SLC35F4: variants seen among roughly 807,000 people sequenced by gnomAD.
SLC35F4 encodes solute carrier family 35 member F4, also known as chromosome 14 open reading frame 36.
SLC35F4 carries 24 observed loss-of-function variants against 44.2 expected under a neutral mutation model. The ratio of observed to expected loss-of-function variants is 0.54; its 90% CI spans 0.39 to 0.76. The LOEUF is 0.76. Ranked by LOEUF, SLC35F4 falls within the 30% of genes least tolerant of loss-of-function variation. The probability of loss-of-function intolerance (pLI) is 0.00; values close to 1 mark genes in which losing one functional copy is unlikely to be tolerated. For missense variants in SLC35F4, 562 were observed against 586.1 expected, an observed-to-expected ratio of 0.96 and a Z score of 0.42; for synonymous variants, 238 against 223.6, an observed-to-expected ratio of 1.06 and a Z score of -0.57.
chr14:57,883,591 A>G (rs987302794), intron 1 of SLC35F4, among the ~76,000 whole-genome samples: 3 of 152,192 alleles, frequency 2.0e-5, no homozygotes, highest in Non-Finnish European at 4.4e-5. Flanking sequence ...TATATAATCA[A>G]ATGTATAATT....
chr14:57,977,023 G>C (rs1881237452), intron 1 of SLC35F4: 1 of 152,104 alleles, frequency 6.6e-6, no homozygotes, highest in Non-Finnish European at 1.5e-5. Context: ...AGAGGTGAGA[G>C]AAAAACCCCA....
intron 1 of SLC35F4, among the ~76,000 whole-genome samples, chr14:57,917,340 TGA>T (rs1217177105): frequency 1.3e-5 from 2 of 152,200 alleles, no homozygotes; most frequent in Non-Finnish European, 2.9e-5. Flanking sequence ...ATTACAGGCG[TGA>T]GTCACCACAC....
intron 1 of SLC35F4, among the ~76,000 whole-genome samples, chr14:57,601,183 T>C (rs537875756): frequency 2.6e-4 from 40 of 151,788 alleles, no homozygotes; most frequent in Non-Finnish European, 4.6e-4. Context: ...TAAAAGTTTT[T>C]TCAAGACTTG....
chr14:57,724,234 C>A (rs999817724), intron 1 of SLC35F4, among the ~76,000 whole-genome samples: 1 of 152,198 alleles, frequency 6.6e-6, no homozygotes. Flanking sequence ...TTTGACCCAG[C>A]AGATCCAATG....
chr14:57,619,105 TG>T (rs1480180670), intron 1 of SLC35F4, among the ~76,000 whole-genome samples: 1 of 152,086 alleles, frequency 6.6e-6, no homozygotes, highest in Non-Finnish European at 1.5e-5. Flanking sequence ...GGGGCAACTG[TG>T]GGTTCAGCTT....
At chr14:57,572,075 C>G in intron 4 of SLC35F4, 56 bp from the exon 5 acceptor site, 1 of 1,569,582 alleles carries the variant, frequency 6.4e-7, no homozygotes, top group East Asian at 2.3e-5. Flanking sequence ...TATCCTAGAG[C>G]AGGCAATTCA....
intron 1 of SLC35F4, among the ~76,000 whole-genome samples, chr14:57,862,842 C>T (rs536788284): frequency 6.6e-6 from 1 of 152,192 alleles, no homozygotes; most frequent in East Asian, 1.9e-4. Flanking sequence ...AATTTATGTA[C>T]TTGTTTATTT....
At chr14:57,618,941 G>T (rs2072018248) in intron 1 of SLC35F4, among the ~76,000 whole-genome samples, 1 of 152,172 alleles carries the variant, frequency 6.6e-6, no homozygotes, top group South Asian at 2.1e-4. Flanking sequence ...CGAACTGGGT[G>T]GAGCCCACCG....
chr14:57,871,865 A>G (rs1468076804), intron 1 of SLC35F4, among the ~76,000 whole-genome samples: 3 of 152,250 alleles, frequency 2.0e-5, no homozygotes, highest in African/African-American at 7.2e-5. Context: ...TAAAGTTACT[A>G]AAAACTGTAA....
chr14:57,787,210 CAAAG>C (rs2077786208), intron 1 of SLC35F4, among the ~76,000 whole-genome samples: 1 of 151,802 alleles, frequency 6.6e-6, no homozygotes, highest in Admixed American at 6.6e-5. Context: ...CCAACAAAGA[CAAAG>C]AAAAAAGAAA....
rs146878969 is a variant in SLC35F4 at position 57,857,487 on chromosome 14, C to T, written c.103+8236G>A. ...CTAATCACTACTACCATCATGTACT[C>T]TTTCTTTTTCTGTGTGAAAATAATT... On this transcript the variant is annotated intron_variant, in intron 1 of 7. Transcript: ENST00000556826. 1.3e-4 allele frequency among the ~76,000 whole-genome samples: 20 copies of T among 152,038 alleles called. No individual in the cohort carries two copies. The East Asian group carries it at 2.5e-3, about 19-fold the overall frequency.
intron 1 of SLC35F4, among the ~76,000 whole-genome samples, chr14:57,696,032 T>C (rs2075374164): frequency 6.6e-6 from 1 of 152,084 alleles, no homozygotes; most frequent in African/African-American, 2.4e-5. Context: ...GGGCAAAGAC[T>C]TCATGACTAA....
At chr14:57,973,209 T>C (rs1212393952), downstream of SLC35F4, among the ~76,000 whole-genome samples, 3 of 152,204 alleles carry the variant, frequency 2.0e-5, no homozygotes, top group Non-Finnish European at 4.4e-5. Flanking sequence ...ATGGTGGTGA[T>C]ACTTTCTTTT....
intron 1 of SLC35F4, among the ~76,000 whole-genome samples, chr14:57,770,450 C>T (rs142433763): frequency 1.1e-4 from 17 of 152,298 alleles, no homozygotes; most frequent in South Asian, 4.1e-4. Flanking sequence ...GTATTTTCAG[C>T]TTAGTCCTCA....
At chr14:57,643,382 TTAAAA>T (rs2073341100) in intron 1 of SLC35F4, among the ~76,000 whole-genome samples, 1 of 152,028 alleles carries the variant, frequency 6.6e-6, no homozygotes, top group Non-Finnish European at 1.5e-5. Flanking sequence ...ATAAATTATC[TTAAAA>T]TAAAATTCAG....
intron 1 of SLC35F4, among the ~76,000 whole-genome samples, chr14:57,879,834 G>A (rs1888480131): frequency 6.6e-6 from 1 of 151,796 alleles, no homozygotes; most frequent in Non-Finnish European, 1.5e-5. Flanking sequence ...TATAAAGCCA[G>A]GATTAAGTCT....
chr14:57,843,909 T>C (rs1029968612), intron 1 of SLC35F4, among the ~76,000 whole-genome samples: 15 of 152,236 alleles, frequency 9.9e-5, no homozygotes, highest in African/African-American at 3.4e-4. Context: ...CAAAAATATA[T>C]ATAGAGAGAG....
chr14:57,589,884 C>T lies in SLC35F4; in HGVS notation c.290-371G>A, dbSNP rs576031292. On this transcript the variant is annotated intron_variant, in intron 2 of 7. Coordinates refer to ENST00000556826, the MANE Select transcript of SLC35F4 (RefSeq NM_001306087.2). ...TGTGAGAAGACATGAGGCATAACAC[C>T]TCCCATAAGAAGCCTTAGGAGGCAT... Among the ~76,000 whole-genome samples the T allele has an allele frequency of 4.6e-5, 7 of 152,278 alleles. No homozygotes were observed. In the South Asian group the frequency reaches 1.4e-3, roughly 32 times the overall value.
intron 1 of SLC35F4, among the ~76,000 whole-genome samples, chr14:57,713,940 C>T (rs2075873377): frequency 6.6e-6 from 1 of 152,088 alleles, no homozygotes. Flanking sequence ...TCTTTCTGCT[C>T]AAAATACAGA....
Sources: allele counts gnomAD v4.1 joint callset (sites outside exome capture counted in the v4.1 genomes callset), GRCh38; gene constraint gnomAD v4.1.1; transcripts MANE v1.5; gene names NCBI Gene and HGNC (gene_info 2026-07-23, HGNC 2026-07-21).